The following GSK3B variants were observed in gnomAD, a reference collection of about 807,000 sequenced individuals.
GSK3B encodes glycogen synthase kinase-3 beta.
In GSK3B, 15 loss-of-function variants were observed where a neutral mutation model predicts 56.4. That is an observed-to-expected ratio of 0.27 (90% confidence interval 0.18 to 0.41). The LOEUF (loss-of-function observed/expected upper bound fraction) is 0.41, where lower values mean the gene tolerates loss of function less well. Among genes scored for constraint, GSK3B ranks in the 10% least tolerant of loss-of-function variants. GSK3B has a pLI of 1.00. For missense variants in GSK3B, 300 were observed against 513.4 expected (o/e 0.58, Z 4.02); for synonymous variants, 181 against 188.9 (o/e 0.96, Z 0.34).
At chr3:120,022,877 T>G (rs1351437362) in intron 1 of GSK3B, among the ~76,000 whole-genome samples, 1 of 152,232 alleles carries the variant, frequency 6.6e-6, no homozygotes, top group Non-Finnish European at 1.5e-5. Context: ...AATCCTCTTA[T>G]TGGTGGGTCA....
intron 1 of GSK3B, among the ~76,000 whole-genome samples, chr3:120,033,128 C>A (rs924092299): frequency 6.6e-6 from 1 of 152,140 alleles, no homozygotes; most frequent in Non-Finnish European, 1.5e-5. Flanking sequence ...TGCTTGGCTT[C>A]TTTTACTTAG....
At chr3:119,905,723 C>T (rs1440170493) in intron 7 of GSK3B, 32 bp downstream of exon 7, 5 of 1,178,444 alleles carry the variant, frequency 4.2e-6, no homozygotes, top group Non-Finnish European at 6.4e-6. Flanking sequence ...AAAATTCCTT[C>T]CAGTTCAAAT....
chr3:120,038,420 C>T (rs770340055), intron 1 of GSK3B, among the ~76,000 whole-genome samples: 6 of 151,984 alleles, frequency 3.9e-5, no homozygotes, highest in South Asian at 4.1e-4. Context: ...ACCAACTACG[C>T]GGGAGGCTGA....
At chr3:119,859,069 C>A (rs562626236) in intron 9 of GSK3B, among the ~76,000 whole-genome samples, 1 of 151,568 alleles carries the variant, frequency 6.6e-6, no homozygotes, top group Admixed American at 6.6e-5. Flanking sequence ...AAATGTGGCA[C>A]AGAGACACAA....
intron 1 of GSK3B, among the ~76,000 whole-genome samples, chr3:120,092,429 G>A (rs2058520445): frequency 2.0e-5 from 3 of 152,092 alleles, no homozygotes; most frequent in Non-Finnish European, 4.4e-5. Context: ...GTTTTAAATC[G>A]TCCTTTTTAA....
chr3:119,934,388 C>A (rs2056974646), intron 3 of GSK3B, among the ~76,000 whole-genome samples: 1 of 152,138 alleles, frequency 6.6e-6, no homozygotes, highest in Non-Finnish European at 1.5e-5. Context: ...AAAAAGCAGA[C>A]AAACTCCAAT....
chr3:120,036,067 A>T (rs1559885660), intron 1 of GSK3B, among the ~76,000 whole-genome samples: 2 of 152,328 alleles, frequency 1.3e-5, no homozygotes, highest in East Asian at 3.9e-4. Context: ...GGCAGAAAGC[A>T]TCCAATATTT....
chr3:119,862,609 T>A (rs182245644), intron 9 of GSK3B, among the ~76,000 whole-genome samples: 3 of 149,220 alleles, frequency 2.0e-5, no homozygotes, highest in African/African-American at 7.3e-5. Context: ...ACTCTACATC[T>A]CCCTTTTTTG....
In GSK3B at chr3:119,837,566, G is replaced by A. The variant is rs75448831; in HGVS notation, c.1195+5689C>T. 6.5e-3 allele frequency among the ~76,000 whole-genome samples: 988 copies of A among 151,960 alleles called. 6 individuals carry two copies. The highest frequency in any genetic ancestry group is 8.6e-3 in the Non-Finnish European group (587 of 67,948). The stretch of plus-strand genomic sequence containing the variant: ...ACCATGGGATAGATGACCACTTCTC[G>A]GTAGATAATGAAAGGTGAACTGAAA... On this transcript the variant is annotated intron_variant, in intron 10 of 10. Coordinates refer to ENST00000264235, the MANE Select transcript of GSK3B (RefSeq NM_001146156.2).
intron 7 of GSK3B, among the ~76,000 whole-genome samples, chr3:119,879,588 T>C (rs2056356472): frequency 6.6e-6 from 1 of 152,152 alleles, no homozygotes; most frequent in African/African-American, 2.4e-5. Flanking sequence ...AAATACTAGA[T>C]ATTATTCATT....
At chr3:119,938,424 C>A (rs66650215) in intron 3 of GSK3B, among the ~76,000 whole-genome samples, 33,360 of 151,798 alleles carry the variant, frequency 0.22, 3,915 homozygotes, top group African/African-American at 0.3. Context: ...AAGGATTATA[C>A]CCCATGACCA....
chr3:120,021,562 A>T (rs1310843228), intron 1 of GSK3B, among the ~76,000 whole-genome samples: 2 of 151,858 alleles, frequency 1.3e-5, no homozygotes, highest in Non-Finnish European at 2.9e-5. Flanking sequence ...CAGGAACAGG[A>T]GTTTGGAAGA....
intron 9 of GSK3B, among the ~76,000 whole-genome samples, chr3:119,854,908 T>C (rs1352750852): frequency 1.3e-5 from 2 of 152,204 alleles, no homozygotes; most frequent in Non-Finnish European, 1.5e-5. Context: ...GTTTTTTGCG[T>C]CTCTATCTCC....
At chr3:119,936,831 C>T (rs943763008) in intron 3 of GSK3B, among the ~76,000 whole-genome samples, 2 of 151,850 alleles carry the variant, frequency 1.3e-5, no homozygotes, top group Non-Finnish European at 2.9e-5. Context: ...ATGAACAGAA[C>T]ATCAAGACAG....
chr3:119,992,911 T>C (rs2057578407), intron 2 of GSK3B, among the ~76,000 whole-genome samples: 1 of 151,804 alleles, frequency 6.6e-6, no homozygotes, highest in Admixed American at 6.6e-5. Context: ...TTAGCAAAAA[T>C]TTAAAAAGTA....
intron 1 of GSK3B, among the ~76,000 whole-genome samples, chr3:120,010,630 C>T (rs1244717194): frequency 6.6e-6 from 1 of 152,192 alleles, no homozygotes; most frequent in Non-Finnish European, 1.5e-5. Flanking sequence ...ACTCACAAAA[C>T]AAAGGATCAT....
intron 1 of GSK3B, 113 bp downstream of exon 1, chr3:120,093,234 C>G: frequency 2.8e-6 from 2 of 724,732 alleles, no homozygotes; most frequent in Non-Finnish European, 4.9e-6. Context: ...AGGTTTTGCC[C>G]TTTTCCATTG....
In GSK3B at chr3:119,941,524, C is replaced by T. The variant is rs1166970798; in HGVS notation, c.366+5744G>A. Among the ~76,000 whole-genome samples the T allele has an allele frequency of 2.0e-5, 3 of 152,288 alleles. No individual in the cohort carries two copies. The East Asian group carries it at 5.8e-4, about 29-fold the overall frequency. ...AGTTGTATGGTAACTTACTTAACGG[C>T]TGTTGTATCAGTTTCTTCTATAAAA... On this transcript the variant is annotated intron_variant, in intron 3 of 10. Transcript: ENST00000264235.
chr3:120,052,311 C>T (rs2058157195), intron 1 of GSK3B, among the ~76,000 whole-genome samples: 1 of 152,124 alleles, frequency 6.6e-6, no homozygotes, highest in African/African-American at 2.4e-5. Context: ...GAGCACAAGT[C>T]TCATAAAAAG....
Sources: allele counts gnomAD v4.1 joint callset (sites outside exome capture counted in the v4.1 genomes callset), GRCh38; gene constraint gnomAD v4.1.1; transcripts MANE v1.5; gene names NCBI Gene and HGNC (gene_info 2026-07-23, HGNC 2026-07-21).